DPP9: variants seen among roughly 807,000 people sequenced by gnomAD.
The protein encoded by DPP9 is dipeptidyl peptidase IV-related protein-2.
DPP9 carries 50 observed loss-of-function variants against 110.7 expected under a neutral mutation model. That is an observed-to-expected ratio of 0.45 (90% CI 0.36 to 0.57). DPP9 has a LOEUF of 0.57. DPP9 is among the 20% of genes least tolerant of loss of function. DPP9 has a pLI of 0.00. For synonymous variants in DPP9, 561 were observed against 514.4 expected, an observed-to-expected ratio of 1.09 and a Z score of -1.23; for missense variants, 1,022 against 1,217.9, an observed-to-expected ratio of 0.84 and a Z score of 2.39.
intron 19 of DPP9, 171 bp from the exon 20 acceptor site, chr19:4,683,009 G>C (rs1362801005): frequency 6.5e-7 from 1 of 1,527,182 alleles, no homozygotes; most frequent in East Asian, 2.5e-5. Flanking sequence ...CCCGTGGACG[G>C]TGCGTGGCAT....
chr19:4,717,382 C>G (rs894043883), intron 3 of DPP9, among the ~76,000 whole-genome samples: 1 of 152,184 alleles, frequency 6.6e-6, no homozygotes, highest in Non-Finnish European at 1.5e-5. Context: ...CCCACTGCCC[C>G]AAGCACTGCT....
Position 4,688,459 on chromosome 19 carries a change from C to T in DPP9, c.1885+298G>A, listed in dbSNP as rs116924216. On this transcript the variant is annotated intron_variant, in intron 16 of 21. Transcript: ENST00000262960. ...CCACTACCCTGGGAGCTCCCAGTGA[C>T]AGGGTCTGTGTCTCACTGGTTACCA... is the stretch of plus-strand genomic sequence containing the variant. 22 of 346,862 alleles carry T rather than the reference C, an allele frequency of 6.3e-5. No homozygotes were observed. In the East Asian group the frequency reaches 9.1e-4, roughly 14 times the overall value. The allele number at this position is 346,862 out of a possible 1,614,324, so 21.5% of individuals were successfully genotyped here.
Position 4,695,605 on chromosome 19 carries a change from T to C in DPP9, c.1176-50A>G. On this transcript the variant is annotated intron_variant, in intron 11 of 21. Transcript: ENST00000262960. The surrounding 1 kb of genome is among the most constrained non-coding windows in gnomAD (Gnocchi z 4.7). ...ATGAGAGGGAAGCTGGGAGCCTCAG[T>C]GGCCTGCACAGAGAAGCTGGGGACG... 2 of 1,402,366 alleles carry C rather than the reference T, an allele frequency of 1.4e-6. No individual in the cohort carries two copies. The highest frequency in any genetic ancestry group is 2.2e-4 in the Middle Eastern group (1 of 4,622). The allele number at this position is 1,402,366 out of a possible 1,614,324, so 86.9% of individuals were successfully genotyped here. A position where few individuals can be genotyped will look rare whatever the true frequency, so the allele number is the denominator to read the frequency against.
intron 3 of DPP9, among the ~76,000 whole-genome samples, chr19:4,716,834 A>G (rs1423226386): frequency 6.6e-6 from 1 of 152,104 alleles, no homozygotes; most frequent in Non-Finnish European, 1.5e-5. Context: ...CCGGCCTCCC[A>G]CTGACATGCT....
Position 4,687,597 on chromosome 19 carries a change from A to C in DPP9, c.1885+1160T>G, listed in dbSNP as rs2090889377. On this transcript the variant is annotated intron_variant, in intron 16 of 21. Coordinates refer to ENST00000262960, the MANE Select transcript of DPP9 (RefSeq NM_139159.5). This position sits in a 1 kb window ranked among gnomAD's most constrained non-coding sequence, Gnocchi z 4.7. The stretch of plus-strand genomic sequence containing the variant: ...CTCCTTTTCCTGATAAAGGCCTCGG[A>C]GTGTCGGCTCTGAGCAGGTGCTGCT... Among the ~76,000 whole-genome samples, 1 of 151,986 alleles carries C rather than the reference A, an allele frequency of 6.6e-6. No homozygotes were observed. The highest frequency in any genetic ancestry group is 1.5e-5 in the Non-Finnish European group (1 of 67,990).
At chr19:4,705,805 C>A in intron 5 of DPP9, 53 bp downstream of exon 5, 3 of 1,573,506 alleles carry the variant, frequency 1.9e-6, no homozygotes, top group Non-Finnish European at 2.6e-6. Context: ...GTGGGGCTGG[C>A]CTTTGCCACC....
chr19:4,705,844 A>G lies in DPP9; in HGVS notation c.426+14T>C. The G allele has an allele frequency of 1.2e-6, 2 of 1,613,432 alleles. No homozygotes were observed. Among genetic ancestry groups the G allele is most frequent in the African/African-American group, 2.7e-5 (2 of 75,080 alleles). On this transcript the variant is annotated intron_variant, in intron 5 of 21. Transcript: ENST00000262960. ...TCGCCCACGGTAGGGCCCACGCCTA[A>G]TAGCACAGCTTACCTGGAAATGATC... is the stretch of plus-strand genomic sequence containing the variant.
chr19:4,716,548 A>G (rs994528297), intron 3 of DPP9, among the ~76,000 whole-genome samples: 1 of 151,904 alleles, frequency 6.6e-6, no homozygotes, highest in Non-Finnish European at 1.5e-5. Context: ...GAGGCAGGAG[A>G]ATGGCGTGAA....
chr19:4,698,341 C>T lies in DPP9; in HGVS notation c.1075-690G>A, dbSNP rs1390690461. Among the ~76,000 whole-genome samples, 1 of 152,234 alleles carries T rather than the reference C, an allele frequency of 6.6e-6. No homozygotes were observed. The highest frequency in any genetic ancestry group is 1.5e-5 in the Non-Finnish European group (1 of 68,040). On this transcript the variant is annotated intron_variant, in intron 10 of 21. Coordinates refer to ENST00000262960, the MANE Select transcript of DPP9 (RefSeq NM_139159.5). The surrounding 1 kb of genome is among the most constrained non-coding windows in gnomAD (Gnocchi z 4.2). ...AAGGGAGAAACGGCAGCAGGGCCTC[C>T]AGCTCTACCACTTGAGTGGGTCACC... is the stretch of plus-strand genomic sequence containing the variant.
rs140492906 is a variant in DPP9 at position 4,693,671 on chromosome 19, G to A, written c.1516+990C>T. Among the ~76,000 whole-genome samples, 3 of 152,134 alleles carry A rather than the reference G, an allele frequency of 2.0e-5. No homozygotes were observed. The highest frequency in any genetic ancestry group is 4.8e-5 in the African/African-American group (2 of 41,520). ...TGACAGCAAGCCTGTCGCCTCTCCC[G>A]GCCCCTGGGCCTGTGTGCAAGCTGC... On this transcript the variant is annotated intron_variant, in intron 13 of 21. Coordinates refer to ENST00000262960, the MANE Select transcript of DPP9 (RefSeq NM_139159.5). The surrounding 1 kb of genome is among the most constrained non-coding windows in gnomAD (Gnocchi z 5.0).
Position 4,719,956 on chromosome 19 carries a change from G to A in DPP9, c.-35-15C>T. 6 of 1,549,416 alleles carry A rather than the reference G, an allele frequency of 3.9e-6. No homozygotes were observed. Among genetic ancestry groups the A allele is most frequent in the Admixed American group, 2.0e-5 (1 of 51,010 alleles). ...GGCAGGGGTGCCTGCGGGCAAGTGG[G>A]AGGAGAGATCAAAGGGCTGCAACCC... On this transcript the variant is annotated splice_polypyrimidine_tract_variant and intron_variant, in intron 2 of 21. Coordinates refer to ENST00000262960, the MANE Select transcript of DPP9 (RefSeq NM_139159.5).
intron 16 of DPP9, chr19:4,686,010 T>C: frequency 2.2e-6 from 1 of 458,806 alleles, no homozygotes; most frequent in East Asian, 3.9e-5. Flanking sequence ...CTTCCTGGCC[T>C]CAAGCGATCC....
rs1272044291 is a variant in DPP9, at chr19:4,684,960, TGGGAGTGGCAAGGC to T, written c.2032-165_2032-152del. 4.0e-6 allele frequency: 4 copies of T among 1,004,380 alleles called. No homozygotes were observed. The highest frequency in any genetic ancestry group is 5.2e-5 in the East Asian group (2 of 38,324). 62.2% of individuals were successfully genotyped at this position (1,004,380 alleles called of 1,614,324 possible). ...GCCCCGGAGGCTCTGGATGGACACC[TGGGAGTGGCAAGGC>T]GGGAGGGGCCCATACTCGGGACCCT... On this transcript the variant is annotated intron_variant, in intron 17 of 21. Coordinates refer to ENST00000262960, the MANE Select transcript of DPP9 (RefSeq NM_139159.5). The surrounding 1 kb of genome is among the most constrained non-coding windows in gnomAD (Gnocchi z 4.8).
chr19:4,723,467 C>T (rs997235371), intron 1 of DPP9, among the ~76,000 whole-genome samples: 4 of 151,966 alleles, frequency 2.6e-5, no homozygotes, highest in African/African-American at 7.3e-5. Flanking sequence ...GCGCAGGAAT[C>T]GGGGAGGGAA....
At chr19:4,706,051 C>T (rs2145786427) in intron 4 of DPP9, 81 bp from the exon 5 acceptor site, 1 of 1,224,258 alleles carries the variant, frequency 8.2e-7, no homozygotes, top group Non-Finnish European at 1.2e-6. Flanking sequence ...CTGGGCCCAG[C>T]TGGTTCCCTC....
In DPP9 at chr19:4,700,245, C is replaced by T; in HGVS notation, c.1045G>A (p.Ala349Thr). The T allele has an allele frequency of 9.4e-6, 15 of 1,598,374 alleles. No homozygotes were observed. The highest frequency in any genetic ancestry group is 1.3e-5 in the Non-Finnish European group (15 of 1,169,910). The change falls in exon 10 of 22, where the codon GCT becomes ACT. Residue 349 changes from alanine to threonine, a missense_variant. Transcript: ENST00000262960. This position sits in a 1 kb window ranked among gnomAD's most constrained non-coding sequence, Gnocchi z 4.3. ...SKNPKIALKL[A>T]EFQTDSQGKI... ...CCCTGGCTGTCAGTCTGGAACTCAG[C>T]CAGTTTCAAGGCAATCTTGGGATTC...
At position 4,693,394 on chromosome 19, in the gene DPP9, G is replaced by A. The variant is rs978791447; in HGVS notation, c.1516+1267C>T. On this transcript the variant is annotated intron_variant, in intron 13 of 21. Transcript: ENST00000262960. The surrounding 1 kb of genome is among the most constrained non-coding windows in gnomAD (Gnocchi z 5.0). ...TCTCGGTTCCCTGAGCTCCAGGCAC[G>A]GGAACTGGCCCATACAGCATCTCCA... Among the ~76,000 whole-genome samples the A allele has an allele frequency of 2.6e-5, 4 of 152,088 alleles. No individual in the cohort carries two copies. The highest frequency in any genetic ancestry group is 9.7e-5 in the African/African-American group (4 of 41,436).
chr19:4,691,036 C>T (rs2091268563), intron 13 of DPP9, 79 bp from the exon 14 acceptor site: 2 of 1,073,388 alleles, frequency 1.9e-6, no homozygotes. Context: ...CCAAATTCCA[C>T]CCGAGCAGAC....
chr19:4,713,982 G>T, intron 4 of DPP9, 99 bp downstream of exon 4: 1 of 1,451,350 alleles, frequency 6.9e-7, no homozygotes, highest in Non-Finnish European at 9.1e-7. Flanking sequence ...CATCCGAGCA[G>T]ATCTTCCAAC....
Sources: gnomAD v4.1 joint callset for allele counts (sites outside exome capture counted in the v4.1 genomes callset) on GRCh38, gnomAD v4.1.1 for gene constraint, Gnocchi (gnomAD v3.1) non-coding constraint, MANE v1.5 for transcripts, NCBI Gene and HGNC (gene_info 2026-07-23, HGNC 2026-07-21) for gene names.